Variants in SEC23A observed in about 807,000 individuals in gnomAD.
The protein encoded by SEC23A is protein transport protein Sec23A.
Under a neutral mutation model 103.7 loss-of-function variants are expected in SEC23A, and 56 were observed. That is an observed-to-expected ratio of 0.54 (90% CI 0.44 to 0.67). The LOEUF is 0.67. Ranked by LOEUF, SEC23A falls within the 30% of genes least tolerant of loss-of-function variation. The pLI is 0.00. For synonymous variants in SEC23A, 281 were observed against 293.0 expected (o/e 0.96, Z 0.42); for missense variants, 784 against 936.4 (o/e 0.84, Z 2.12).
intron 19 of SEC23A, 144 bp downstream of exon 19, chr14:39,038,887 A>G: frequency 2.6e-6 from 2 of 756,720 alleles, no homozygotes; most frequent in Non-Finnish European, 4.5e-6. Context: ...CCAAATATTA[A>G]TTCTGTTTTC....
intron 14 of SEC23A, among the ~76,000 whole-genome samples, chr14:39,049,662 C>G (rs1376483891): frequency 6.6e-6 from 1 of 151,738 alleles, no homozygotes; most frequent in Non-Finnish European, 1.5e-5. Context: ...ACTATAGTCC[C>G]AGCTACTCGA....
At chr14:39,095,196 G>A (rs890860421) in intron 2 of SEC23A, among the ~76,000 whole-genome samples, 1 of 152,204 alleles carries the variant, frequency 6.6e-6, no homozygotes, top group Non-Finnish European at 1.5e-5. Context: ...GATTGGCTGG[G>A]GGGAGAGGGA....
At chr14:39,094,442 A>T (rs1292433594) in intron 2 of SEC23A, among the ~76,000 whole-genome samples, 1,013 of 9,504 alleles carry the variant, frequency 0.11, 94 homozygotes, top group East Asian at 0.17. Flanking sequence ...ATATATATAT[A>T]TTTTTTTTTT....
intron 2 of SEC23A, among the ~76,000 whole-genome samples, chr14:39,093,674 T>C (rs1367142348): frequency 1.3e-5 from 2 of 152,132 alleles, no homozygotes; most frequent in African/African-American, 2.4e-5. Context: ...GGTGAGAGGA[T>C]CATCTGAGCC....
At chr14:39,102,440 G>T (rs1243112817) in intron 1 of SEC23A, among the ~76,000 whole-genome samples, 1 of 152,210 alleles carries the variant, frequency 6.6e-6, no homozygotes, top group Non-Finnish European at 1.5e-5. Flanking sequence ...AGTGATTGAT[G>T]TAGATTTACT....
chr14:39,086,889 G>T, intron 6 of SEC23A, 40 bp downstream of exon 6: 1 of 1,201,482 alleles, frequency 8.3e-7, no homozygotes, highest in Non-Finnish European at 1.2e-6. Context: ...GTTTAAAATA[G>T]CTACAGAAAC....
At chr14:39,051,317 CT>C (rs1886051355) in intron 14 of SEC23A, among the ~76,000 whole-genome samples, 4 of 152,286 alleles carry the variant, frequency 2.6e-5, no homozygotes, top group African/African-American at 9.6e-5. Flanking sequence ...GAAGCCCTTG[CT>C]TCCTTCAGTC....
intron 14 of SEC23A, among the ~76,000 whole-genome samples, chr14:39,050,381 T>C (rs776281495): frequency 1.3e-5 from 2 of 152,162 alleles, no homozygotes; most frequent in Non-Finnish European, 2.9e-5. Flanking sequence ...GCCTAACCTC[T>C]ATAAGAAAAT....
At chr14:39,098,787 A>T (rs1014907450) in intron 1 of SEC23A, among the ~76,000 whole-genome samples, 7 of 151,794 alleles carry the variant, frequency 4.6e-5, no homozygotes, top group African/African-American at 7.2e-5. Flanking sequence ...AAAAAAAAAA[A>T]TTTAATAAAA....
chr14:39,034,944 C>T (rs1260685819), intron 19 of SEC23A, among the ~76,000 whole-genome samples: 1 of 152,008 alleles, frequency 6.6e-6, no homozygotes, highest in Non-Finnish European at 1.5e-5. Context: ...ATTTCTGACC[C>T]CCAAAAAATC....
chr14:39,069,825 C>G (rs1245323179), intron 9 of SEC23A, among the ~76,000 whole-genome samples: 4 of 152,072 alleles, frequency 2.6e-5, no homozygotes, highest in African/African-American at 4.8e-5. Flanking sequence ...TTCATATATG[C>G]ACATGGCTCA....
At chr14:39,100,405 A>T (rs1027945903) in intron 1 of SEC23A, among the ~76,000 whole-genome samples, 1 of 127,678 alleles carries the variant, frequency 7.8e-6, no homozygotes, top group Non-Finnish European at 1.6e-5. Flanking sequence ...TCCTTTTACA[A>T]GCCAACTTAA....
At chr14:39,098,743 T>C (rs1887979860) in intron 1 of SEC23A, among the ~76,000 whole-genome samples, 1 of 150,248 alleles carries the variant, frequency 6.7e-6, no homozygotes, top group Admixed American at 6.7e-5. Context: ...CACTGCACTC[T>C]AGCCTGGGCG....
intron 7 of SEC23A, among the ~76,000 whole-genome samples, chr14:39,078,484 C>T (rs1887115694): frequency 6.6e-6 from 1 of 152,126 alleles, no homozygotes; most frequent in Non-Finnish European, 1.5e-5. Flanking sequence ...AAAGAAGAAA[C>T]AGTGTGTATC....
chr14:39,084,276 T>C lies in SEC23A; in HGVS notation c.828+1486A>G, dbSNP rs554987588. Among the ~76,000 whole-genome samples, 5 of 152,102 alleles carry C rather than the reference T, an allele frequency of 3.3e-5. No homozygotes were observed. The South Asian group carries it at 6.2e-4, about 19-fold the overall frequency. On this transcript the variant is annotated intron_variant, in intron 7 of 19. Transcript: ENST00000307712. ...CTCCTGACCTCGTGATCCACCCACC[T>C]CGGCCTCCCAAAGTGCTGGGATTAC... is the stretch of plus-strand genomic sequence containing the variant.
At chr14:39,036,642 T>C (rs1885472113) in intron 19 of SEC23A, among the ~76,000 whole-genome samples, 1 of 152,148 alleles carries the variant, frequency 6.6e-6, no homozygotes. Flanking sequence ...TCCTTACCAA[T>C]GCTTAACGTC....
intron 11 of SEC23A, 163 bp downstream of exon 11, chr14:39,064,750 G>T: frequency 1.5e-6 from 1 of 652,970 alleles, no homozygotes; most frequent in South Asian, 1.7e-5. Context: ...CTTTTTTGGG[G>T]GGATAACAGG....
At chr14:39,043,174 G>A (rs568984165) in intron 16 of SEC23A, among the ~76,000 whole-genome samples, 217 of 152,088 alleles carry the variant, frequency 1.4e-3, no homozygotes, top group Non-Finnish European at 2.4e-3. Flanking sequence ...TAGAGATGGG[G>A]TCTCACTATG....
intron 19 of SEC23A, among the ~76,000 whole-genome samples, chr14:39,035,407 T>C (rs190590165): frequency 6.6e-6 from 1 of 152,316 alleles, no homozygotes; most frequent in Admixed American, 6.5e-5. Context: ...ATATAAGAAG[T>C]GACTTTTTTT....
Sources: gnomAD v4.1 joint callset for allele counts (sites outside exome capture counted in the v4.1 genomes callset) on GRCh38, gnomAD v4.1.1 for gene constraint, MANE v1.5 for transcripts, NCBI Gene and HGNC (gene_info 2026-07-23, HGNC 2026-07-21) for gene names.